METTL4: variants seen among roughly 807,000 people sequenced by gnomAD.
METTL4 encodes methyltransferase 4, N6-adenosine.
A neutral mutation model predicts 54.0 loss-of-function variants in METTL4; 40 were observed. The observed-to-expected ratio is 0.74, with a 90% CI of 0.58 to 0.96. The LOEUF (loss-of-function observed/expected upper bound fraction) is 0.96. Ranked by LOEUF, METTL4 falls within the 50% of genes least tolerant of loss-of-function variation. METTL4 has a pLI of 0.00. For missense variants in METTL4, 525 were observed against 549.0 expected (o/e 0.96, Z 0.44); for synonymous variants, 169 against 183.8 (o/e 0.92, Z 0.65).
chr18:2,542,729 T>C (rs993649194), intron 8 of METTL4, among the ~76,000 whole-genome samples: 2 of 152,114 alleles, frequency 1.3e-5, no homozygotes, highest in African/African-American at 4.8e-5. Context: ...TCTATGACAG[T>C]CCGAAGCATA....
intron 4 of METTL4, 165 bp downstream of exon 4, chr18:2,554,504 A>G (rs2072207645): frequency 1.6e-6 from 1 of 609,470 alleles, no homozygotes; most frequent in Non-Finnish European, 2.8e-6. Context: ...AAAAAAAGCA[A>G]AAGTCAGCAC....
At chr18:2,544,538 A>C (rs1264521852) in intron 7 of METTL4, 115 bp downstream of exon 7, 2 of 725,478 alleles carry the variant, frequency 2.8e-6, no homozygotes, top group Non-Finnish European at 4.5e-6. Flanking sequence ...TCTACACTGG[A>C]CCATTTTCAG....
At chr18:2,540,435 G>T (rs2071978062) in intron 8 of METTL4, 2 of 983,004 alleles carry the variant, frequency 2.0e-6, no homozygotes, top group African/African-American at 3.5e-5. Context: ...GTTTAAAAGA[G>T]AATATATCAA....
chr18:2,552,340 A>G (rs2072174809), intron 5 of METTL4, among the ~76,000 whole-genome samples: 1 of 152,246 alleles, frequency 6.6e-6, no homozygotes, highest in Admixed American at 6.5e-5. Context: ...AATGAATTAG[A>G]CAAATTCATT....
chr18:2,564,765 C>G (rs1486943539), intron 2 of METTL4, among the ~76,000 whole-genome samples: 1 of 152,140 alleles, frequency 6.6e-6, no homozygotes, highest in Non-Finnish European at 1.5e-5. Flanking sequence ...ACATTTATTA[C>G]ATAGGTTCAT....
rs1220794184 is a variant in METTL4, at chr18:2,555,045, G to C, written c.460-7C>G. On this transcript the variant is annotated splice_region_variant and splice_polypyrimidine_tract_variant and intron_variant, in intron 3 of 8. Coordinates refer to ENST00000574538, the MANE Select transcript of METTL4 (RefSeq NM_022840.5). ...CCAAAATCAGCTCCCTGATCTGTAA[G>C]AGAATTTTAAGTACATTAAAAGAAC... The C allele has an allele frequency of 6.2e-7, 1 of 1,607,836 alleles. No individual in the cohort carries two copies. Among genetic ancestry groups the C allele is most frequent in the South Asian group, 1.1e-5 (1 of 89,666 alleles).
chr18:2,541,933 T>C (rs1360505693), intron 8 of METTL4, among the ~76,000 whole-genome samples: 1 of 152,150 alleles, frequency 6.6e-6, no homozygotes, highest in East Asian at 1.9e-4. Context: ...GAGAGATGCT[T>C]TCTGAAATAT....
chr18:2,547,424 T>C lies in METTL4; in HGVS notation c.1005A>G (p.Leu335=), dbSNP rs74781187. The C allele has an allele frequency of 4.1e-5, 66 of 1,612,044 alleles. No homozygotes were observed. In the East Asian group the frequency reaches 1.3e-3, roughly 33 times the overall value. ...VTWVTNRQKH[L]RFIKEELYPS... is the part of the protein sequence containing the mutation. Reference sequence around the variant, plus strand: ...GATAAAGTTCTTCCTTTATAAAACGTAGGTGCTTCTGTCTATTGGTCACCC... The same window carrying C: ...GATAAAGTTCTTCCTTTATAAAACGCAGGTGCTTCTGTCTATTGGTCACCC... Residue 335 remains leucine, a synonymous_variant, in exon 6 of 9, where the codon CTA becomes CTG. Transcript: ENST00000574538.
intron 6 of METTL4, among the ~76,000 whole-genome samples, chr18:2,546,380 A>G (rs1056139335): frequency 6.6e-6 from 1 of 152,104 alleles, no homozygotes; most frequent in East Asian, 1.9e-4. Flanking sequence ...TTATAAATTA[A>G]GCTTTCTCAT....
In METTL4 at chr18:2,567,996, T is replaced by C. The variant is rs188524478; in HGVS notation, c.-438-342A>G. On this transcript the variant is annotated intron_variant, in intron 1 of 8. Transcript: ENST00000574538. The stretch of plus-strand genomic sequence containing the variant: ...GAGCAGTACCCCTTGGATAACTAGG[T>C]TTCTCAGAACTAACCTTTTTTCAAA... Among the ~76,000 whole-genome samples the C allele has an allele frequency of 1.1e-3, 175 of 152,360 alleles. 1 individual carries two copies. The highest frequency in any genetic ancestry group is 4.1e-3 in the African/African-American group (170 of 41,584).
In METTL4 at chr18:2,538,006, T is replaced by C. The variant is rs1030458738; in HGVS notation, c.*994A>G. On this transcript the variant is annotated 3_prime_UTR_variant, in exon 9 of 9. Coordinates refer to ENST00000574538, the MANE Select transcript of METTL4 (RefSeq NM_022840.5). ...ACTGTGGCAGACAGACAACTGTATA[T>C]ATGTTTTCAAAATTCACTGAATTTG... The C allele has an allele frequency of 3.8e-5, 15 of 398,318 alleles. No individual in the cohort carries two copies. The highest frequency in any genetic ancestry group is 4.1e-5 in the African/African-American group (2 of 48,640). 24.7% of individuals were successfully genotyped at this position (398,318 alleles called of 1,614,324 possible). A position where few individuals can be genotyped will look rare whatever the true frequency, so the allele number is the denominator to read the frequency against.
chr18:2,552,034 A>C (rs2072168982), intron 5 of METTL4, among the ~76,000 whole-genome samples: 1 of 152,090 alleles, frequency 6.6e-6, no homozygotes, highest in South Asian at 2.1e-4. Context: ...CTCTACTAAA[A>C]ATACAAAAAT....
chr18:2,554,786 C>T lies in METTL4; in HGVS notation c.712G>A (p.Val238Ile), dbSNP rs1184848912. 1.1e-5 allele frequency: 17 copies of T among 1,613,814 alleles called. No individual in the cohort carries two copies. The highest frequency in any genetic ancestry group is 6.7e-5 in the Admixed American group (4 of 59,992). Residue 238 changes from valine (V) to isoleucine (I), a missense_variant, in exon 4 of 9, where the codon GTT becomes ATT. Coordinates refer to ENST00000574538, the MANE Select transcript of METTL4 (RefSeq NM_022840.5). ...TTTGTAAAGCTAGAGTTGTTTTCAA[C>T]AACTCGCAAAAATAAATCCTGTTCT... ...VTEQDLFLRV[V>I]ENNSSFTKVI...
intron 3 of METTL4, among the ~76,000 whole-genome samples, chr18:2,563,493 G>A (rs921771415): frequency 1.3e-5 from 2 of 150,732 alleles, no homozygotes; most frequent in African/African-American, 4.9e-5. Context: ...ACTCAGAGGA[G>A]GCCAAGGCAT....
chr18:2,544,933 A>C (rs1160966536), intron 6 of METTL4, among the ~76,000 whole-genome samples, 174 bp from the exon 7 acceptor site: 1 of 152,160 alleles, frequency 6.6e-6, no homozygotes, highest in Non-Finnish European at 1.5e-5. Flanking sequence ...GTAAAAAAAA[A>C]AATGCAATGA....
chr18:2,546,798 C>T (rs1049590404), intron 6 of METTL4, among the ~76,000 whole-genome samples: 50 of 152,046 alleles, frequency 3.3e-4, no homozygotes, highest in African/African-American at 1.1e-3. Context: ...ATTCTAGAGT[C>T]CAAATCATTT....
chr18:2,540,657 T>C (rs2071981120), intron 8 of METTL4: 3 of 985,432 alleles, frequency 3.0e-6, no homozygotes, highest in Non-Finnish European at 3.6e-6. Context: ...ATAAATTAAA[T>C]GCTACTAACC....
intron 3 of METTL4, among the ~76,000 whole-genome samples, chr18:2,557,796 G>A (rs2072260487): frequency 6.6e-6 from 1 of 152,186 alleles, no homozygotes; most frequent in Non-Finnish European, 1.5e-5. Flanking sequence ...AAAATCCTTT[G>A]TCCCTGACCT....
chr18:2,540,400 T>C, intron 8 of METTL4: 1 of 981,584 alleles, frequency 1.0e-6, no homozygotes, highest in Non-Finnish European at 1.2e-6. Context: ...ATAAGGGTTC[T>C]TTAGGAATAC....
Sources: allele counts gnomAD v4.1 joint callset (sites outside exome capture counted in the v4.1 genomes callset), GRCh38; gene constraint gnomAD v4.1.1; transcripts MANE v1.5; gene names NCBI Gene and HGNC (gene_info 2026-07-23, HGNC 2026-07-21).